Variants in FUNDC1 observed in about 807,000 individuals in gnomAD.
FUNDC1 encodes the protein FUN14 domain containing 1, also known as FUN14 domain-containing protein 1.
In FUNDC1, 10 loss-of-function variants were observed where a neutral mutation model predicts 14.5. The observed-to-expected ratio is 0.69, with a 90% CI of 0.43 to 1.17. The LOEUF is 1.17. FUNDC1 is among the 50% of genes most tolerant of loss of function. The pLI, the probability that FUNDC1 is intolerant of heterozygous loss-of-function variation, is 0.00. For missense variants in FUNDC1, 115 were observed against 113.8 expected (o/e 1.01, Z -0.05); for synonymous variants, 33 against 39.7 (o/e 0.83, Z 0.64).
intron 3 of FUNDC1, among the ~76,000 whole-genome samples, chrX:44,528,976 T>C (rs2038912444): frequency 8.9e-6 from 1 of 111,964 alleles, no homozygotes; most frequent in Non-Finnish European, 1.9e-5. Flanking sequence ...ATTACAGGCA[T>C]GAGCCACCGC....
chrX:44,530,901 C>G (rs1294173283), intron 3 of FUNDC1, among the ~76,000 whole-genome samples: 1 of 110,002 alleles, frequency 9.1e-6, no homozygotes, highest in Non-Finnish European at 1.9e-5. Context: ...GCATTCCAGC[C>G]TGGGTGAAAG....
rs1057296063 is a variant in FUNDC1 at position 44,524,047 on chromosome X, T to C, written c.*151A>G. 7 of 448,473 alleles carry C rather than the reference T, an allele frequency of 1.6e-5. No homozygotes were observed. The highest frequency in any genetic ancestry group is 1.5e-4 in the African/African-American group (6 of 40,669). 37.0% of individuals were successfully genotyped at this position (448,473 alleles called of 1,213,427 possible). A position where few individuals can be genotyped will look rare whatever the true frequency, so the allele number is the denominator to read the frequency against. ...AGATACTAGTTTGCCAAGCTTCAGA[T>C]GGCAAAATGCTAAGTTGTGAATTGA... On this transcript the variant is annotated 3_prime_UTR_variant, in exon 5 of 5. Coordinates refer to ENST00000378045, the MANE Select transcript of FUNDC1 (RefSeq NM_173794.4).
chrX:44,540,416 G>GTGTGTGTATA (rs777640273), intron 2 of FUNDC1, among the ~76,000 whole-genome samples: 1,182 of 85,784 alleles, frequency 0.014, 19 homozygotes, highest in African/African-American at 0.071. Flanking sequence ...TGTGTGTGTT[G>GTGTGTGTATA]TGTGTGTGTG....
intron 2 of FUNDC1, 70 bp downstream of exon 2, chrX:44,541,875 T>C: frequency 1.0e-6 from 1 of 987,993 alleles, no homozygotes; most frequent in South Asian, 2.3e-5. Context: ...CGGTGATTCT[T>C]GCCCATGTAT....
At chrX:44,532,557 A>ATT (rs1281101001) in intron 3 of FUNDC1, among the ~76,000 whole-genome samples, 2 of 100,048 alleles carry the variant, frequency 2.0e-5, no homozygotes, top group African/African-American at 7.5e-5. Context: ...ATATATATAT[A>ATT]TTTTTTTTTT....
chrX:44,530,021 A>G (rs1250449044), intron 3 of FUNDC1, among the ~76,000 whole-genome samples: 1 of 111,758 alleles, frequency 8.9e-6, no homozygotes, highest in Non-Finnish European at 1.9e-5. Context: ...GTCTAAATTG[A>G]GCACCCTGCT....
intron 1 of FUNDC1, 139 bp downstream of exon 1, chrX:44,542,666 G>A (rs145411697): frequency 1.2e-5 from 7 of 575,916 alleles, no homozygotes; most frequent in South Asian, 1.1e-4. Context: ...TAGCTCGGAG[G>A]GGGTGCTCGA....
chrX:44,541,871 T>C, intron 2 of FUNDC1, 74 bp downstream of exon 2: 1 of 965,937 alleles, frequency 1.0e-6, no homozygotes, highest in Non-Finnish European at 1.4e-6. Context: ...TGCACGGTGA[T>C]TCTTGCCCAT....
intron 3 of FUNDC1, among the ~76,000 whole-genome samples, chrX:44,530,259 A>G (rs1318102497): frequency 2.7e-5 from 3 of 111,997 alleles, no homozygotes; most frequent in African/African-American, 9.7e-5. Flanking sequence ...GGGATTACAT[A>G]AGGTACTTTT....
At chrX:44,531,411 A>C in intron 3 of FUNDC1, among the ~76,000 whole-genome samples, 1 of 104,000 alleles carries the variant, frequency 9.6e-6, no homozygotes, top group East Asian at 3.1e-4. Flanking sequence ...GAAAGCTCTA[A>C]ACAGGTAGAT....
At chrX:44,542,371 G>A in intron 1 of FUNDC1, 1 of 375,743 alleles carries the variant, frequency 2.7e-6, no homozygotes, top group Non-Finnish European at 4.6e-6. Flanking sequence ...GAATGACACA[G>A]TAGTGAGGGG....
chrX:44,526,921 T>C (rs1185927389), intron 4 of FUNDC1, among the ~76,000 whole-genome samples: 1 of 110,643 alleles, frequency 9.0e-6, no homozygotes, highest in Non-Finnish European at 1.9e-5. Context: ...ACTTTTAAGT[T>C]TTACTACACC....
chrX:44,541,919 T>G, intron 2 of FUNDC1, 26 bp downstream of exon 2: 1 of 1,187,461 alleles, frequency 8.4e-7, no homozygotes, highest in Non-Finnish European at 1.1e-6. Flanking sequence ...CCAAATGAAA[T>G]TTAATGAAAA....
intron 4 of FUNDC1, among the ~76,000 whole-genome samples, chrX:44,526,112 C>CA (rs201654995): frequency 2.1e-4 from 7 of 33,448 alleles, no homozygotes; most frequent in African/African-American, 2.9e-4. Flanking sequence ...AGACCTGTCT[C>CA]AAAAAAAACA....
intron 3 of FUNDC1, among the ~76,000 whole-genome samples, chrX:44,536,377 C>T (rs1423193706): frequency 9.2e-6 from 1 of 108,976 alleles, no homozygotes; most frequent in African/African-American, 3.3e-5. Context: ...AAAACCTTCC[C>T]AAACATGATT....
chrX:44,526,043 G>A (rs2038899644), intron 4 of FUNDC1, among the ~76,000 whole-genome samples: 1 of 108,496 alleles, frequency 9.2e-6, no homozygotes, highest in Non-Finnish European at 1.9e-5. Flanking sequence ...AGTCAAGGCT[G>A]TAGTGAGCCA....
chrX:44,528,515 T>A (rs936012932), intron 3 of FUNDC1, among the ~76,000 whole-genome samples: 4 of 112,305 alleles, frequency 3.6e-5, no homozygotes, highest in African/African-American at 1.3e-4. Context: ...AAATTCTACA[T>A]ATAAATTGAA....
chrX:44,527,865 C>T (rs1310061205), intron 3 of FUNDC1, among the ~76,000 whole-genome samples: 1 of 111,431 alleles, frequency 9.0e-6, no homozygotes, highest in African/African-American at 3.3e-5. Context: ...ATTTAAGTAG[C>T]CTGGTAAGTA....
intron 3 of FUNDC1, among the ~76,000 whole-genome samples, chrX:44,530,725 T>C (rs2038919007): frequency 9.1e-6 from 1 of 110,180 alleles, no homozygotes; most frequent in African/African-American, 3.3e-5. Context: ...AGATCAGCCA[T>C]GTCAACATGG....
Sources: allele counts gnomAD v4.1 joint callset (sites outside exome capture counted in the v4.1 genomes callset), GRCh38; gene constraint gnomAD v4.1.1; transcripts MANE v1.5; gene names NCBI Gene and HGNC (gene_info 2026-07-23, HGNC 2026-07-21).